Variants in DISP3 observed in about 807,000 individuals in gnomAD.
DISP3 encodes protein dispatched homolog 3.
Under a neutral mutation model 135.3 loss-of-function variants are expected in DISP3, and 101 were observed. The ratio of observed to expected loss-of-function variants is 0.75; its 90% confidence interval spans 0.64 to 0.88. The LOEUF is 0.88. Ranked by LOEUF, DISP3 falls within the 40% of genes least tolerant of loss-of-function variation. The pLI is 0.00. For missense variants in DISP3, 1,713 were observed against 1,878.6 expected (o/e 0.91, Z 1.63); for synonymous variants, 856 against 817.0 (o/e 1.05, Z -0.81).
chr1:11,519,657 C>A lies in DISP3; in HGVS notation c.2039-62C>A. 1.3e-6 allele frequency: 2 copies of A among 1,582,000 alleles called. No individual in the cohort carries two copies. Among genetic ancestry groups the A allele is most frequent in the South Asian group, 1.1e-5 (1 of 88,372 alleles). ...CCAGGCATCTGGGCTTCCCTGGAAG[C>A]GAGCGTGGACCACAGTGGGCTTTGA... On this transcript the variant is annotated intron_variant, in intron 8 of 20. Transcript: ENST00000294484. The surrounding 1 kb of genome is among the most constrained non-coding windows in gnomAD (Gnocchi z 4.3).
chr1:11,520,993 C>G lies in DISP3; in HGVS notation c.2362+145C>G, dbSNP rs1028211048. The G allele has an allele frequency of 9.3e-7, 1 of 1,072,508 alleles. No homozygotes were observed. The highest frequency in any genetic ancestry group is 1.3e-6 in the Non-Finnish European group (1 of 768,244). The allele number at this position is 1,072,508 out of a possible 1,614,324, so 66.4% of individuals were successfully genotyped here. A position where few individuals can be genotyped will look rare whatever the true frequency, so the allele number is the denominator to read the frequency against. On this transcript the variant is annotated intron_variant, in intron 10 of 20. Transcript: ENST00000294484. This position sits in a 1 kb window ranked among gnomAD's most constrained non-coding sequence, Gnocchi z 4.8. ...TCCCCTCTGAGCCCCCATGTTCCCA[C>G]AGTTCATTCAACAGATGCCTGCTGG...
intron 1 of DISP3, among the ~76,000 whole-genome samples, chr1:11,479,698 C>G (rs1640838546): frequency 6.6e-6 from 1 of 152,228 alleles, no homozygotes; most frequent in South Asian, 2.1e-4. Context: ...GACCTCTGGC[C>G]CCTGCTTGTC....
rs112529124 is a variant in DISP3, at chr1:11,536,668, C to A, written c.4161C>A (p.Pro1387=). Residue 1387 remains proline (P), a synonymous_variant, in exon 21 of 21, where the codon CCC becomes CCA. Coordinates refer to ENST00000294484, the MANE Select transcript of DISP3 (RefSeq NM_020780.2). The surrounding 1 kb of genome is among the most constrained non-coding windows in gnomAD (Gnocchi z 4.3). Reference sequence around the variant, plus strand: ...AGAGCGGCTATAAGATTCCCCTGCCCGCAGGGGCCTCCCTATAGCCCGGGA... The same window carrying A: ...AGAGCGGCTATAAGATTCCCCTGCCAGCAGGGGCCTCCCTATAGCCCGGGA... ...LLQSGYKIPL[P]AGASL 6.3e-7 allele frequency: 1 copy of A among 1,577,768 alleles called. No individual in the cohort carries two copies. Among genetic ancestry groups the A allele is most frequent in the East Asian group, 2.3e-5 (1 of 42,750 alleles).
rs1039577064 is a variant in DISP3, at chr1:11,483,480, C to T, written c.-4+4108C>T. 6.6e-5 allele frequency among the ~76,000 whole-genome samples: 10 copies of T among 152,226 alleles called. No individual in the cohort carries two copies. The highest frequency in any genetic ancestry group is 2.6e-4 in the Admixed American group (4 of 15,288). On this transcript the variant is annotated intron_variant, in intron 1 of 20. Transcript: ENST00000294484. The surrounding 1 kb of genome is among the most constrained non-coding windows in gnomAD (Gnocchi z 5.4). ...AACAAAGTTCAGAGAAGTGAAGAGACTTGCCCAAGGTCACACAGCGAGAAG... is the reference window on the plus strand; with the variant it reads ...AACAAAGTTCAGAGAAGTGAAGAGATTTGCCCAAGGTCACACAGCGAGAAG...
At chr1:11,525,382 G>T in intron 12 of DISP3, 70 bp downstream of exon 12, 2 of 1,543,208 alleles carry the variant, frequency 1.3e-6, no homozygotes, top group Non-Finnish European at 1.8e-6. Flanking sequence ...GGCCACACTG[G>T]TGGGCAGCCC....
intron 1 of DISP3, among the ~76,000 whole-genome samples, chr1:11,489,406 A>T (rs925502948): frequency 1.7e-4 from 26 of 152,226 alleles, no homozygotes; most frequent in African/African-American, 6.3e-4. Context: ...GCAGGTGACC[A>T]CCTGCTGTGT....
intron 1 of DISP3, among the ~76,000 whole-genome samples, chr1:11,490,143 G>A (rs1641143920): frequency 6.6e-6 from 1 of 152,150 alleles, no homozygotes; most frequent in Non-Finnish European, 1.5e-5. Flanking sequence ...GGGTGGTCTG[G>A]ACGGATTGGC....
chr1:11,505,004 T>G (rs1457275786), intron 3 of DISP3, among the ~76,000 whole-genome samples: 2 of 152,164 alleles, frequency 1.3e-5, no homozygotes, highest in African/African-American at 4.8e-5. Flanking sequence ...ATTGTGAGTT[T>G]TAGTGAGCTT....
intron 3 of DISP3, among the ~76,000 whole-genome samples, chr1:11,506,043 T>C (rs1641687719): frequency 6.6e-6 from 1 of 152,258 alleles, no homozygotes; most frequent in South Asian, 2.1e-4. Flanking sequence ...AAATTGGCAC[T>C]TATTTTCTTT....
At chr1:11,515,923 T>A in intron 5 of DISP3, 78 bp from the exon 6 acceptor site, 1 of 1,530,830 alleles carries the variant, frequency 6.5e-7, no homozygotes. Flanking sequence ...CCACTCACAC[T>A]TGGTCTAGGG....
At chr1:11,522,593 A>G (rs1642237308) in intron 10 of DISP3, among the ~76,000 whole-genome samples, 2 of 137,234 alleles carry the variant, frequency 1.5e-5, no homozygotes, top group South Asian at 2.3e-4. Context: ...AGACCCAGCC[A>G]GGACCCAGCC....
At position 11,502,856 on chromosome 1, in the gene DISP3, C is replaced by T. The variant is rs60362998; in HGVS notation, c.1275C>T (p.Phe425=). ...AACAACGGGCTAAGTTTCAGAGCTT[C>T]GTGGTCACCTACGTGGCCATGCTGG... The part of the protein sequence containing the change: ...WEEQRAKFQS[F]VVTYVAMLAK... The change falls in exon 3 of 21, where the codon TTC becomes TTT. Residue 425 remains phenylalanine (F), a synonymous_variant. Coordinates refer to ENST00000294484, the MANE Select transcript of DISP3 (RefSeq NM_020780.2). The T allele has an allele frequency of 0.086, 138,370 of 1,614,002 alleles. 8,255 individuals are homozygous for T. The highest frequency in any genetic ancestry group is 0.26 in the African/African-American group (19,206 of 75,002).
chr1:11,537,214 A>G lies in DISP3; in HGVS notation c.*528A>G, dbSNP rs1227709224. 6.5e-6 allele frequency: 1 copy of G among 153,258 alleles called. No individual in the cohort carries two copies. The highest frequency in any genetic ancestry group is 1.9e-4 in the East Asian group (1 of 5,146). The allele number at this position is 153,258 out of a possible 1,614,324, so 9.5% of individuals were successfully genotyped here. A position where few individuals can be genotyped will look rare whatever the true frequency, so the allele number is the denominator to read the frequency against. On this transcript the variant is annotated 3_prime_UTR_variant, in exon 21 of 21. Transcript: ENST00000294484. ...CAGGGTGGGGGCCTCTCACCCCCTA[A>G]CCCCGCCCCCCCGCAACCCTCCCCT...
Position 11,529,609 on chromosome 1 carries a change from T to G in DISP3, c.2852T>G (p.Met951Arg), listed in dbSNP as rs779827177. The change falls in exon 14 of 21, where the codon ATG becomes AGG. Residue 951 changes from methionine (M) to arginine (R), a missense_variant. By Grantham distance (91) the Met-to-Arg change is moderately conservative. Coordinates refer to ENST00000294484, the MANE Select transcript of DISP3 (RefSeq NM_020780.2). This position sits in a 1 kb window ranked among gnomAD's most constrained non-coding sequence, Gnocchi z 4.7. ...CCCCCCTTCCACGGGCGCGTATGCATGGCACCCCCTGGCTGCCTGCTTAGC... is the reference window on the plus strand; with the variant it reads ...CCCCCCTTCCACGGGCGCGTATGCAGGGCACCCCCTGGCTGCCTGCTTAGC... ...HKPPFHGRVCMAPPGCLLSSS... is the reference protein window; with the variant it reads ...HKPPFHGRVCRAPPGCLLSSS... The G allele has an allele frequency of 6.2e-7, 1 of 1,607,790 alleles. No homozygotes were observed. The highest frequency in any genetic ancestry group is 8.5e-7 in the Non-Finnish European group (1 of 1,175,316).
intron 10 of DISP3, among the ~76,000 whole-genome samples, chr1:11,522,959 A>ACCCAGCCGGAG (rs1557615845): frequency 2.4e-5 from 3 of 125,040 alleles, no homozygotes; most frequent in Admixed American, 7.9e-5. Flanking sequence ...CCCAACCAGG[A>ACCCAGCCGGAG]CCCAGCCAGG....
At chr1:11,532,864 A>AT (rs1642609567) in intron 17 of DISP3, among the ~76,000 whole-genome samples, 1 of 151,862 alleles carries the variant, frequency 6.6e-6, no homozygotes, top group Non-Finnish European at 1.5e-5. Flanking sequence ...CACCTAGCTA[A>AT]TTTTTTTAAT....
chr1:11,493,803 G>A (rs1328828676), intron 1 of DISP3, among the ~76,000 whole-genome samples: 1 of 152,060 alleles, frequency 6.6e-6, no homozygotes, highest in Non-Finnish European at 1.5e-5. Context: ...AAATATCTGG[G>A]CACCCCATAG....
rs777672387 is a variant in DISP3 at position 11,519,909 on chromosome 1, G to C, written c.2200+29G>C. 6.3e-7 allele frequency: 1 copy of C among 1,583,556 alleles called. No homozygotes were observed. Among genetic ancestry groups the C allele is most frequent in the Non-Finnish European group, 8.6e-7 (1 of 1,164,390 alleles). ...AGTGGGCCCTCCGGCCCTGCCCCCT[G>C]TCTCACAGCTCCACCCCCAAAACAC... On this transcript the variant is annotated intron_variant, in intron 9 of 20. Transcript: ENST00000294484. The surrounding 1 kb of genome is among the most constrained non-coding windows in gnomAD (Gnocchi z 4.3).
intron 10 of DISP3, among the ~76,000 whole-genome samples, chr1:11,522,860 ACCCAGCCAGAG>A (rs1211612036): frequency 9.7e-4 from 51 of 52,358 alleles, no homozygotes; most frequent in African/African-American, 3.2e-3. Context: ...CCCAGCCAGG[ACCCAGCCAGAG>A]CCCAGCCAGA....
Sources: gnomAD v4.1 joint callset for allele counts (sites outside exome capture counted in the v4.1 genomes callset) on GRCh38, gnomAD v4.1.1 for gene constraint, Gnocchi (gnomAD v3.1) non-coding constraint, MANE v1.5 for transcripts, NCBI Gene and HGNC (gene_info 2026-07-23, HGNC 2026-07-21) for gene names.